The following SETD6 variants were observed in gnomAD, a reference collection of about 807,000 sequenced individuals.
SETD6 encodes N-lysine methyltransferase SETD6.
Under a neutral mutation model 52.7 loss-of-function variants are expected in SETD6, and 67 were observed. The ratio of observed to expected loss-of-function variants is 1.27; its 90% confidence interval spans 1.04 to 1.56. The LOEUF is 1.56. SETD6 is among the 40% of genes most tolerant of loss of function. The pLI is 0.00. For synonymous variants in SETD6, 307 were observed against 250.2 expected (o/e 1.23, Z -2.14); for missense variants, 712 against 607.5 (o/e 1.17, Z -1.81).
rs1176756802 is a variant in SETD6 at position 58,518,494 on chromosome 16, T to A, written c.1067T>A (p.Ile356Lys). The A allele has an allele frequency of 6.3e-7, 1 of 1,591,046 alleles. No homozygotes were observed. The highest frequency in any genetic ancestry group is 2.0e-5 in the Admixed American group (1 of 51,196). The change falls in exon 7 of 8, where the codon ATA (isoleucine) becomes AAA (lysine). Residue 356 changes from isoleucine (I) to lysine (K), a missense_variant. By Grantham distance (102) the Ile-to-Lys change is moderately radical. Transcript: ENST00000219315. ...EMVGEEGAFV[I>K]GREEVLTEEE... Reference sequence around the variant, plus strand: ...GTAGGGGAAGAGGGAGCCTTTGTGATAGGGAGGGAGGAGGTGCTGACTGAA... The same window carrying A: ...GTAGGGGAAGAGGGAGCCTTTGTGAAAGGGAGGGAGGAGGTGCTGACTGAA...
In SETD6 at chr16:58,518,209, A is replaced by G. The variant is rs1256091390; in HGVS notation, c.951A>G (p.Thr317=). 2.5e-6 allele frequency: 4 copies of G among 1,614,260 alleles called. No individual in the cohort carries two copies. Among genetic ancestry groups the G allele is most frequent in the South Asian group, 2.2e-5 (2 of 91,090 alleles). Residue 317 remains threonine, a synonymous_variant, in exon 6 of 8, where the codon ACA becomes ACG. Coordinates refer to ENST00000219315, the MANE Select transcript of SETD6 (RefSeq NM_001160305.4). ...ACACAGCTGACATTCAGATGGTGAC[A>G]GTTCGTGAGGCAGCATTACAGGGTG... ...TDDTADIQMV[T]VREAALQGTK...
chr16:58,521,356 C>A lies in SETD6; in HGVS notation c.*2327C>A, dbSNP rs767257692. 1 of 1,551,662 alleles carries A rather than the reference C, an allele frequency of 6.4e-7. No homozygotes were observed. Among genetic ancestry groups the A allele is most frequent in the South Asian group, 1.2e-5 (1 of 83,554 alleles). ...GAAAGAGCTAGTTAATGTATAGAAG[C>A]ATACAAATTCATGATTATTCTTCCA... On this transcript the variant is annotated 3_prime_UTR_variant, in exon 8 of 8. Transcript: ENST00000219315.
chr16:58,516,575 G>A lies in SETD6; in HGVS notation c.574G>A (p.Val192Met). 6.2e-7 allele frequency: 1 copy of A among 1,614,156 alleles called. No individual in the cohort carries two copies. The highest frequency in any genetic ancestry group is 1.1e-5 in the South Asian group (1 of 91,078). ...CATCCGCAGCGAGTACCAGTCCATC[G>A]TGCTGCCCTTCATGGAAGCCCACCC... Reference protein sequence around the residue: ...ANIRSEYQSIVLPFMEAHPDL... With the variant: ...ANIRSEYQSIMLPFMEAHPDL... The change falls in exon 4 of 8, where the codon GTG becomes ATG. Residue 192 changes from valine (V) to methionine (M), a missense_variant. By Grantham distance (21) the Val-to-Met change is conservative (BLOSUM62 1). Transcript: ENST00000219315.
Position 58,518,523 on chromosome 16 carries a change from G to C in SETD6, c.1096G>C (p.Glu366Gln). Reference protein sequence around the residue: ...IGREEVLTEEELTTTLKVLCM... With the variant: ...IGREEVLTEEQLTTTLKVLCM... ...GAGGGAGGAGGTGCTGACTGAAGAG[G>C]AGCTGACCACCACACTAAAGGTAAA... The change falls in exon 7 of 8, where the codon GAG (glutamate) becomes CAG (glutamine). Residue 366 changes from glutamate to glutamine, a missense_variant. Glu to Gln is a conservative substitution (Grantham distance 29, BLOSUM62 2). Coordinates refer to ENST00000219315, the MANE Select transcript of SETD6 (RefSeq NM_001160305.4). The C allele has an allele frequency of 2.5e-6, 4 of 1,596,314 alleles. No homozygotes were observed. Among genetic ancestry groups the C allele is most frequent in the Non-Finnish European group, 3.4e-6 (4 of 1,176,098 alleles).
Position 58,518,936 on chromosome 16 carries a change from C to CT in SETD6, c.1330dup (p.Tyr444LeufsTer47), listed in dbSNP as rs139158231. On this transcript the variant is annotated frameshift_variant, in exon 8 of 8. Transcript: ENST00000219315. LOFTEE classifies it high-confidence loss of function. ...AAGGTTTACTCAGTAATAAGGAAGT[C>CT]TATGCGAAACTCAGCTGGAGGGAAC... The CT allele has an allele frequency of 6.2e-7, 1 of 1,614,172 alleles. No individual in the cohort carries two copies. Among genetic ancestry groups the CT allele is most frequent in the East Asian group, 2.2e-5 (1 of 44,884 alleles).
chr16:58,515,761 G>T, intron 1 of SETD6, 30 bp from the exon 2 acceptor site: 1 of 1,443,572 alleles, frequency 6.9e-7, no homozygotes, highest in South Asian at 1.4e-5. Flanking sequence ...TCTGGGGGTC[G>T]GACCTGGTCA....
chr16:58,518,333 G>C, intron 6 of SETD6, 68 bp from the exon 7 acceptor site: 1 of 1,590,810 alleles, frequency 6.3e-7, no homozygotes, highest in Admixed American at 1.8e-5. Context: ...TGTAGACTGG[G>C]TGGCAGACTA....
chr16:58,516,607 CTT>C lies in SETD6; in HGVS notation c.607_608del (p.Phe203GlnfsTer21). The C allele has an allele frequency of 6.2e-7, 1 of 1,614,210 alleles. No individual in the cohort carries two copies. The highest frequency in any genetic ancestry group is 1.1e-5 in the South Asian group (1 of 91,090). On this transcript the variant is annotated frameshift_variant, in exon 4 of 8. Transcript: ENST00000219315. LOFTEE classifies it high-confidence loss of function. ...LPFMEAHPDL[F>X]SLRVRSLELY... Reference sequence around the variant, plus strand: ...CCTTCATGGAAGCCCACCCCGATCTCTTCAGCCTCAGGGTTCGCTCCCTAGAA... The same window carrying C: ...CCTTCATGGAAGCCCACCCCGATCTCCAGCCTCAGGGTTCGCTCCCTAGAA...
chr16:58,523,263 C>T lies in SETD6; in HGVS notation c.*4234C>T, dbSNP rs575199517. 1.2e-5 allele frequency: 15 copies of T among 1,233,168 alleles called. No individual in the cohort carries two copies. Among genetic ancestry groups the T allele is most frequent in the Non-Finnish European group, 1.5e-5 (14 of 913,440 alleles). 76.4% of individuals were successfully genotyped at this position (1,233,168 alleles called of 1,614,324 possible). ...CCGTCTCAAAAAAACAAAAAAAAAA[C>T]CAACCAAACGGATTTTCACTGAACA... On this transcript the variant is annotated 3_prime_UTR_variant, in exon 8 of 8. Coordinates refer to ENST00000219315, the MANE Select transcript of SETD6 (RefSeq NM_001160305.4).
chr16:58,516,148 G>GCGGGGCGGTT (rs752428410), intron 2 of SETD6, 51 bp downstream of exon 2: 245,140 of 1,181,200 alleles, frequency 0.21, 31,380 homozygotes, highest in East Asian at 0.35. Context: ...GCGGGGCGGG[G>GCGGGGCGGTT]CGGGCCCGGC....
At chr16:58,518,624 T>C in intron 7 of SETD6, 81 bp downstream of exon 7, 1 of 1,554,150 alleles carries the variant, frequency 6.4e-7, no homozygotes, top group Non-Finnish European at 8.7e-7. Flanking sequence ...AGAGGAAATG[T>C]GGGATTTTTA....
In SETD6 at chr16:58,521,474, C is replaced by G. The variant is rs193294741; in HGVS notation, c.*2445C>G. ...AGGTGGATTAATATACTCCAAATAGCACAGGTTGGAATACCTGGGTTTGAA... is the reference window on the plus strand; with the variant it reads ...AGGTGGATTAATATACTCCAAATAGGACAGGTTGGAATACCTGGGTTTGAA... On this transcript the variant is annotated 3_prime_UTR_variant, in exon 8 of 8. Transcript: ENST00000219315. Among the ~76,000 whole-genome samples, 5 of 152,262 alleles carry G rather than the reference C, an allele frequency of 3.3e-5. No homozygotes were observed. In the East Asian group the frequency reaches 7.7e-4, roughly 23 times the overall value.
rs760601795 is a variant in SETD6, at chr16:58,523,816, G to A, written c.*4787G>A. On this transcript the variant is annotated 3_prime_UTR_variant, in exon 8 of 8. Transcript: ENST00000219315. ...TACATTTTGCAGATCTCTAAGTCTT[G>A]CTTAATAAAAGACAGCTGGATTCTC... 4 of 214,486 alleles carry A rather than the reference G, an allele frequency of 1.9e-5. No homozygotes were observed. In the East Asian group the frequency reaches 3.2e-4, roughly 17 times the overall value. The allele number at this position is 214,486 out of a possible 1,614,324, so 13.3% of individuals were successfully genotyped here.
rs759486325 is a variant in SETD6, at chr16:58,520,994, C to T, written c.*1965C>T. 1.2e-6 allele frequency: 2 copies of T among 1,614,078 alleles called. No individual in the cohort carries two copies. The highest frequency in any genetic ancestry group is 1.1e-5 in the South Asian group (1 of 91,086). The stretch of plus-strand genomic sequence containing the variant: ...CTGTCCCTTCCATTACTTGCTGGGC[C>T]TGCTTCTGTCCCATGCAGCACTGTG... On this transcript the variant is annotated 3_prime_UTR_variant, in exon 8 of 8. Coordinates refer to ENST00000219315, the MANE Select transcript of SETD6 (RefSeq NM_001160305.4).
Position 58,521,038 on chromosome 16 carries a change from TG to T in SETD6, c.*2010del. 1 of 1,614,128 alleles carries T rather than the reference TG, an allele frequency of 6.2e-7. No homozygotes were observed. Among genetic ancestry groups the T allele is most frequent in the Non-Finnish European group, 8.5e-7 (1 of 1,180,030 alleles). On this transcript the variant is annotated 3_prime_UTR_variant, in exon 8 of 8. Transcript: ENST00000219315. Reference sequence around the variant, plus strand: ...CACTGTGCGACCGACTGGAATAACCTGAAGGATGAAGACAGTTACAAATCTC... The same window carrying T: ...CACTGTGCGACCGACTGGAATAACCTAAGGATGAAGACAGTTACAAATCTC...
rs1045487066 is a variant in SETD6, at chr16:58,520,607, G to C, written c.*1578G>C. ...AGCTATGCCCTCAGACAAGTGCATG[G>C]CATCAGCTGCCTCTTCATTACAAGG... On this transcript the variant is annotated 3_prime_UTR_variant, in exon 8 of 8. Coordinates refer to ENST00000219315, the MANE Select transcript of SETD6 (RefSeq NM_001160305.4). 20 of 257,546 alleles carry C rather than the reference G, an allele frequency of 7.8e-5. No homozygotes were observed. The highest frequency in any genetic ancestry group is 3.7e-4 in the African/African-American group (17 of 46,070). The allele number at this position is 257,546 out of a possible 1,614,324, so 16.0% of individuals were successfully genotyped here.
chr16:58,518,526 C>A lies in SETD6; in HGVS notation c.1099C>A (p.Leu367Met). ...GREEVLTEEELTTTLKVLCMP... is the reference protein window; with the variant it reads ...GREEVLTEEEMTTTLKVLCMP... Reference sequence around the variant, plus strand: ...GGAGGAGGTGCTGACTGAAGAGGAGCTGACCACCACACTAAAGGTAAACGG... The same window carrying A: ...GGAGGAGGTGCTGACTGAAGAGGAGATGACCACCACACTAAAGGTAAACGG... Residue 367 changes from leucine (L) to methionine (M), a missense_variant, in exon 7 of 8, where the codon CTG becomes ATG. Transcript: ENST00000219315. 6.3e-7 allele frequency: 1 copy of A among 1,596,670 alleles called. No individual in the cohort carries two copies. Among genetic ancestry groups the A allele is most frequent in the Non-Finnish European group, 8.5e-7 (1 of 1,176,192 alleles).
At position 58,521,021 on chromosome 16, in the gene SETD6, G is replaced by A. The variant is rs188764632; in HGVS notation, c.*1992G>A. ...GCTTCTGTCCCATGCAGCACTGTGC[G>A]ACCGACTGGAATAACCTGAAGGATG... On this transcript the variant is annotated 3_prime_UTR_variant, in exon 8 of 8. Coordinates refer to ENST00000219315, the MANE Select transcript of SETD6 (RefSeq NM_001160305.4). 3.5e-5 allele frequency: 56 copies of A among 1,614,004 alleles called. No individual in the cohort carries two copies. The East Asian group carries it at 6.0e-4, about 17-fold the overall frequency.
In SETD6 at chr16:58,521,173, T is replaced by C; in HGVS notation, c.*2144T>C. The C allele has an allele frequency of 6.2e-7, 1 of 1,613,042 alleles. No individual in the cohort carries two copies. Among genetic ancestry groups the C allele is most frequent in the Non-Finnish European group, 8.5e-7 (1 of 1,179,746 alleles). On this transcript the variant is annotated 3_prime_UTR_variant, in exon 8 of 8. Coordinates refer to ENST00000219315, the MANE Select transcript of SETD6 (RefSeq NM_001160305.4). ...CATTCCTAGACAATTAAAAATTACT[T>C]TGAACTCACTTTTCGATTTCTGGGG...
Sources: allele counts gnomAD v4.1 joint callset (sites outside exome capture counted in the v4.1 genomes callset), GRCh38; gene constraint gnomAD v4.1.1; transcripts MANE v1.5; gene names NCBI Gene and HGNC (gene_info 2026-07-23, HGNC 2026-07-21).